PPM1A: variants seen among roughly 807,000 people sequenced by gnomAD.
The protein encoded by PPM1A is protein phosphatase 1A.
A neutral mutation model predicts 35.0 loss-of-function variants in PPM1A; 7 were observed. The ratio of observed to expected loss-of-function variants is 0.20; its 90% CI spans 0.11 to 0.38. The LOEUF is 0.38. Ranked by LOEUF, PPM1A falls within the 10% of genes least tolerant of loss-of-function variation. The pLI is 1.00. For missense variants in PPM1A, 239 were observed against 467.8 expected (o/e 0.51, Z 4.51); for synonymous variants, 153 against 167.3 (o/e 0.91, Z 0.66).
intron 2 of PPM1A, among the ~76,000 whole-genome samples, chr14:60,284,486 C>T (rs541515808): frequency 6.0e-4 from 91 of 151,860 alleles, no homozygotes; most frequent in African/African-American, 2.1e-3. Flanking sequence ...CTAAAAAACA[C>T]AAAAAATTAG....
intron 1 of PPM1A, among the ~76,000 whole-genome samples, chr14:60,250,944 A>G (rs58553407): frequency 0.013 from 1,940 of 152,292 alleles, 46 homozygotes; most frequent in African/African-American, 0.044. Flanking sequence ...CAAAGATTGT[A>G]TTTCTGTAAC....
At position 60,282,131 on chromosome 14, in the gene PPM1A, C is replaced by T. The variant is rs921816255; in HGVS notation, c.-20-553C>T. On this transcript the variant is annotated intron_variant, in intron 1 of 5. Coordinates refer to ENST00000395076, the MANE Select transcript of PPM1A (RefSeq NM_021003.5). The surrounding 1 kb of genome is among the most constrained non-coding windows in gnomAD (Gnocchi z 5.1). ...AGGCAAGAGTTTCCAGTTAAGGAAACTGACATGAGCAAAGGCTTGAAGGAG... is the reference window on the plus strand; with the variant it reads ...AGGCAAGAGTTTCCAGTTAAGGAAATTGACATGAGCAAAGGCTTGAAGGAG... Among the ~76,000 whole-genome samples the T allele has an allele frequency of 6.6e-6, 1 of 152,112 alleles. No individual in the cohort carries two copies. Among genetic ancestry groups the T allele is most frequent in the Non-Finnish European group, 1.5e-5 (1 of 68,034 alleles).
intron 3 of PPM1A, chr14:60,286,035 A>G (rs1886967974): frequency 9.6e-7 from 1 of 1,036,428 alleles, no homozygotes. Context: ...ATTCACTGGC[A>G]TGAGTAATTT....
chr14:60,268,274 C>G (rs1884627467), intron 1 of PPM1A: 1 of 982,894 alleles, frequency 1.0e-6, no homozygotes, highest in Non-Finnish European at 1.2e-6. Flanking sequence ...TCTTTAATAA[C>G]TTTCTCATAT....
chr14:60,255,933 T>C (rs1258772265), intron 1 of PPM1A, among the ~76,000 whole-genome samples: 1 of 152,248 alleles, frequency 6.6e-6, no homozygotes, highest in African/African-American at 2.4e-5. Context: ...AATATTATCA[T>C]GAACTTTGTG....
chr14:60,267,576 G>A (rs964229564), intron 1 of PPM1A, among the ~76,000 whole-genome samples: 3 of 151,996 alleles, frequency 2.0e-5, no homozygotes, highest in African/African-American at 7.2e-5. Context: ...TTTGTAAAAA[G>A]AATTGGAAAT....
chr14:60,260,302 A>T (rs1883601256), intron 1 of PPM1A, among the ~76,000 whole-genome samples: 1 of 152,084 alleles, frequency 6.6e-6, no homozygotes, highest in Non-Finnish European at 1.5e-5. Flanking sequence ...GAGGAGGGTA[A>T]GTAAATATTT....
rs1205609834 is a variant in PPM1A at position 60,249,555 on chromosome 14, C to T, written c.-143C>T. 7 of 985,740 alleles carry T rather than the reference C, an allele frequency of 7.1e-6. No individual in the cohort carries two copies. The South Asian group carries it at 1.4e-4, about 19-fold the overall frequency. The allele number at this position is 985,740 out of a possible 1,614,324, so 61.1% of individuals were successfully genotyped here. The stretch of plus-strand genomic sequence containing the variant: ...CCGCCCCTTCCCCAGCCTGACCTGG[C>T]CCGCCGCTGCAGCGGTGACCCCTCC... On this transcript the variant is annotated 5_prime_UTR_variant, in exon 1 of 6. Coordinates refer to ENST00000395076, the MANE Select transcript of PPM1A (RefSeq NM_021003.5). The surrounding 1 kb of genome is among the most constrained non-coding windows in gnomAD (Gnocchi z 4.5).
intron 3 of PPM1A, among the ~76,000 whole-genome samples, chr14:60,288,945 G>A (rs978203305): frequency 6.6e-6 from 1 of 152,064 alleles, no homozygotes; most frequent in Non-Finnish European, 1.5e-5. Context: ...TATACTTAGA[G>A]GAATAGTTGT....
At chr14:60,284,621 G>C (rs533022775) in intron 2 of PPM1A, among the ~76,000 whole-genome samples, 11 of 144,988 alleles carry the variant, frequency 7.6e-5, no homozygotes, top group African/African-American at 2.3e-4. Context: ...CAGCCTGGGC[G>C]ACAGAGCGAG....
Sources: gnomAD v4.1 joint callset for allele counts (sites outside exome capture counted in the v4.1 genomes callset) on GRCh38, gnomAD v4.1.1 for gene constraint, Gnocchi (gnomAD v3.1) non-coding constraint, MANE v1.5 for transcripts, NCBI Gene and HGNC (gene_info 2026-07-23, HGNC 2026-07-21) for gene names.